S100PBP: variants seen among roughly 807,000 people sequenced by gnomAD.
The protein encoded by S100PBP is S100P-binding protein.
Under a neutral mutation model 39.9 loss-of-function variants are expected in S100PBP, and 15 were observed. The ratio of observed to expected loss-of-function variants is 0.38; its 90% CI spans 0.25 to 0.58. The LOEUF (loss-of-function observed/expected upper bound fraction) is 0.58, where lower values mean the gene tolerates loss of function less well. Ranked by LOEUF, S100PBP falls within the 20% of genes least tolerant of loss-of-function variation. The pLI is 0.70. For synonymous variants in S100PBP, 178 were observed against 180.3 expected, an observed-to-expected ratio of 0.99 and a Z score of 0.10; for missense variants, 504 against 487.3, an observed-to-expected ratio of 1.03 and a Z score of -0.32.
chr1:32,839,795 C>A (rs1640005894), intron 5 of S100PBP, among the ~76,000 whole-genome samples: 1 of 152,070 alleles, frequency 6.6e-6, no homozygotes, highest in Non-Finnish European at 1.5e-5. Flanking sequence ...TAGGTGTGTA[C>A]CACTGCACCC....
chr1:32,846,306 T>C (rs1161970432), intron 5 of S100PBP, among the ~76,000 whole-genome samples: 4 of 151,232 alleles, frequency 2.6e-5, no homozygotes, highest in African/African-American at 9.7e-5. Context: ...TTTACTTTTA[T>C]GTTTAAAGTA....
At chr1:32,847,552 G>A (rs1017021420) in intron 5 of S100PBP, 1 of 152,060 alleles carries the variant, frequency 6.6e-6, no homozygotes, top group Non-Finnish European at 1.5e-5. Flanking sequence ...TATAAATTCT[G>A]ATTCTGAATT....
chr1:32,846,717 C>T (rs1056295320), intron 5 of S100PBP: 4 of 151,926 alleles, frequency 2.6e-5, no homozygotes, highest in Admixed American at 6.6e-5. Context: ...GCAAGCCTCC[C>T]ACCTCATCCT....
intron 1 of S100PBP, among the ~76,000 whole-genome samples, chr1:32,821,446 C>T (rs939813224): frequency 2.0e-5 from 3 of 150,382 alleles, no homozygotes; most frequent in Non-Finnish European, 3.0e-5. Context: ...CTCAGCCTCT[C>T]GAATAGCTGG....
intron 6 of S100PBP, among the ~76,000 whole-genome samples, chr1:32,854,680 A>G (rs1640754502): frequency 6.6e-6 from 1 of 152,198 alleles, no homozygotes; most frequent in East Asian, 1.9e-4. Context: ...ACATTTGCTC[A>G]ATATTTCCCA....
intron 5 of S100PBP, among the ~76,000 whole-genome samples, chr1:32,831,840 C>T (rs1334643961): frequency 1.3e-5 from 2 of 152,138 alleles, no homozygotes; most frequent in African/African-American, 2.4e-5. Flanking sequence ...AGGCAGTTGA[C>T]ACTGATGATA....
chr1:32,832,006 A>T (rs1383885515), intron 5 of S100PBP, among the ~76,000 whole-genome samples: 1 of 152,232 alleles, frequency 6.6e-6, no homozygotes, highest in Non-Finnish European at 1.5e-5. Flanking sequence ...CATGAAGAAT[A>T]GCTAGAATAA....
At chr1:32,837,804 C>T (rs943111306) in intron 5 of S100PBP, among the ~76,000 whole-genome samples, 1 of 151,820 alleles carries the variant, frequency 6.6e-6, no homozygotes, top group Non-Finnish European at 1.5e-5. Flanking sequence ...TGAAATTCAT[C>T]CATGTTGCAT....
At chr1:32,852,467 G>A (rs1640651993) in intron 5 of S100PBP, among the ~76,000 whole-genome samples, 1 of 152,188 alleles carries the variant, frequency 6.6e-6, no homozygotes, top group Admixed American at 6.5e-5. Context: ...CCAGGTGTTT[G>A]AGAAATTGCA....
In S100PBP at chr1:32,840,160, A is replaced by G. The variant is rs1640020248; in HGVS notation, c.1024+10093A>G. 5.9e-5 allele frequency among the ~76,000 whole-genome samples: 9 copies of G among 151,904 alleles called. 1 individual carries two copies. The South Asian group carries it at 1.9e-3, about 31-fold the overall frequency. ...TCCACCATATCCGGCTAATTTTTGT[A>G]TTTTTAGTAGAGGTGGGGTTTTACC... is the stretch of plus-strand genomic sequence containing the variant. On this transcript the variant is annotated intron_variant, in intron 5 of 6. Coordinates refer to ENST00000373475, the MANE Select transcript of S100PBP (RefSeq NM_022753.4).
intron 5 of S100PBP, among the ~76,000 whole-genome samples, chr1:32,841,479 C>T (rs145818202): frequency 4.6e-5 from 7 of 152,066 alleles, no homozygotes; most frequent in African/African-American, 1.4e-4. Flanking sequence ...CCTGTAATCC[C>T]GGCACTTTGG....
intron 5 of S100PBP, among the ~76,000 whole-genome samples, chr1:32,849,198 G>T (rs1393261365): frequency 6.6e-6 from 1 of 150,658 alleles, no homozygotes; most frequent in Non-Finnish European, 1.5e-5. Context: ...AGGTTGGAGT[G>T]CAGTGGTATG....
intron 5 of S100PBP, chr1:32,847,855 G>A (rs1235386913): frequency 6.6e-6 from 1 of 151,790 alleles, no homozygotes; most frequent in Non-Finnish European, 1.5e-5. Context: ...TTCCCTCCCT[G>A]GTATTAAGTA....
chr1:32,835,718 C>G (rs1022020968), intron 5 of S100PBP: 2 of 152,078 alleles, frequency 1.3e-5, no homozygotes, highest in Non-Finnish European at 2.9e-5. Context: ...CCCATTGTGG[C>G]ATGTGACAGG....
chr1:32,848,349 A>G (rs1018564558), intron 5 of S100PBP, among the ~76,000 whole-genome samples: 2 of 152,080 alleles, frequency 1.3e-5, no homozygotes, highest in African/African-American at 2.4e-5. Flanking sequence ...TCTGTTCCCT[A>G]TTGGGATTTT....
chr1:32,827,524 C>T (rs1422542054), intron 3 of S100PBP, among the ~76,000 whole-genome samples: 2 of 152,096 alleles, frequency 1.3e-5, no homozygotes, highest in Non-Finnish European at 2.9e-5. Flanking sequence ...TACTCTGTCC[C>T]TCAGGCTGCA....
chr1:32,830,992 A>G (rs1283302782), intron 5 of S100PBP, among the ~76,000 whole-genome samples: 1 of 152,040 alleles, frequency 6.6e-6, no homozygotes, highest in Non-Finnish European at 1.5e-5. Context: ...AGGCACAACA[A>G]TCACTTGAAC....
intron 4 of S100PBP, 121 bp downstream of exon 4, chr1:32,828,202 T>C: frequency 1.7e-6 from 1 of 597,254 alleles, no homozygotes. Flanking sequence ...TAAGCAAACT[T>C]GAAGTTCTAG....
chr1:32,820,144 CTTTT>C (rs5773387), intron 1 of S100PBP, among the ~76,000 whole-genome samples: 102 of 104,796 alleles, frequency 9.7e-4, no homozygotes, highest in African/African-American at 3.9e-3. Flanking sequence ...CGTTCCTATG[CTTTT>C]TTTTTTTTTT....
Sources: allele counts gnomAD v4.1 joint callset (sites outside exome capture counted in the v4.1 genomes callset), GRCh38; gene constraint gnomAD v4.1.1; transcripts MANE v1.5; gene names NCBI Gene and HGNC (gene_info 2026-07-23, HGNC 2026-07-21).